Variants in IRAK2 observed in about 807,000 individuals in gnomAD.
IRAK2 encodes the protein interleukin-1 receptor-associated kinase-like 2.
A neutral mutation model predicts 72.0 loss-of-function variants in IRAK2; 57 were observed. The observed-to-expected ratio is 0.79, with a 90% CI of 0.64 to 0.99. The LOEUF (loss-of-function observed/expected upper bound fraction) is 0.99. Ranked by LOEUF, IRAK2 falls within the 50% of genes least tolerant of loss-of-function variation. The probability of loss-of-function intolerance (pLI) is 0.00; values close to 1 mark genes in which losing one functional copy is unlikely to be tolerated. For synonymous variants in IRAK2, 293 were observed against 312.7 expected (o/e 0.94, Z 0.67); for missense variants, 790 against 794.4 (o/e 0.99, Z 0.07).
chr3:10,222,654 C>T lies in IRAK2; in HGVS notation c.1032C>T (p.Asp344=), dbSNP rs755296363. The change falls in exon 9 of 13, where the codon GAC becomes GAT. Residue 344 remains aspartate, a synonymous_variant. Transcript: ENST00000256458. ...TCCACAGCTCTAATGTCTTGCTGGA[C>T]CAAAATCTCACCCCCAAACTTGCTC... is the stretch of plus-strand genomic sequence containing the variant. ...SNVKSSNVLL[D]QNLTPKLAHP... 3 of 1,614,068 alleles carry T rather than the reference C, an allele frequency of 1.9e-6. No individual in the cohort carries two copies. The East Asian group carries it at 6.7e-5, about 36-fold the overall frequency.
Position 10,238,912 on chromosome 3 carries a change from A to G in IRAK2, c.1638A>G (p.Ala546=), listed in dbSNP as rs769547641. 3.1e-6 allele frequency: 5 copies of G among 1,613,890 alleles called. No homozygotes were observed. The highest frequency in any genetic ancestry group is 1.3e-5 in the African/African-American group (1 of 74,850). The stretch of plus-strand genomic sequence containing the variant: ...ATGCCTCCTCCTCCATGAGTGTGGC[A>G]CCCTGGGCAGGGGCTGCCACCCCAC... ...SLDASSSMSV[A]PWAGAATPLL... The change falls in exon 12 of 13, where the codon GCA becomes GCG. Residue 546 remains alanine, a synonymous_variant. Coordinates refer to ENST00000256458, the MANE Select transcript of IRAK2 (RefSeq NM_001570.4).
chr3:10,178,103 T>G, intron 2 of IRAK2, 83 bp downstream of exon 2: 1 of 1,119,444 alleles, frequency 8.9e-7, no homozygotes, highest in South Asian at 1.5e-5. Context: ...CTCTCTGGCC[T>G]TAATACTTTT....
rs138785740 is a variant in IRAK2, at chr3:10,207,026, G to A, written c.425-2563G>A. On this transcript the variant is annotated intron_variant, in intron 3 of 12. Coordinates refer to ENST00000256458, the MANE Select transcript of IRAK2 (RefSeq NM_001570.4). Reference sequence around the variant, plus strand: ...TCGCCATCATGCCAGGCTAATTTTTGTATTTTTGTAGAGATGGGGTTTTAC... The same window carrying A: ...TCGCCATCATGCCAGGCTAATTTTTATATTTTTGTAGAGATGGGGTTTTAC... Among the ~76,000 whole-genome samples, 7 of 152,082 alleles carry A rather than the reference G, an allele frequency of 4.6e-5. No homozygotes were observed. In the East Asian group the frequency reaches 1.4e-3, roughly 29 times the overall value.
At chr3:10,234,397 C>T (rs1697915220) in intron 10 of IRAK2, 62 bp from the exon 11 acceptor site, 4 of 1,403,512 alleles carry the variant, frequency 2.8e-6, no homozygotes, top group African/African-American at 1.4e-5. Flanking sequence ...GAGTGGGGCG[C>T]GTGCGTTGGC....
intron 11 of IRAK2, among the ~76,000 whole-genome samples, chr3:10,235,518 C>T (rs186230094): frequency 6.6e-6 from 1 of 152,206 alleles, no homozygotes; most frequent in South Asian, 2.1e-4. Context: ...CCTTAGAAAT[C>T]ATCTAGCAGA....
chr3:10,230,281 A>AC (rs369885953), intron 10 of IRAK2, among the ~76,000 whole-genome samples: 1,523 of 144,524 alleles, frequency 0.011, 19 homozygotes, highest in African/African-American at 0.028. Flanking sequence ...TAATAGTAGT[A>AC]CCCCCCCCCA....
intron 10 of IRAK2, among the ~76,000 whole-genome samples, chr3:10,228,957 G>C (rs1697820051): frequency 6.6e-6 from 1 of 150,644 alleles, no homozygotes; most frequent in Non-Finnish European, 1.5e-5. Context: ...TTTCGAGACA[G>C]AGTCTCGCTC....
chr3:10,232,352 G>A (rs1024866661), intron 10 of IRAK2, among the ~76,000 whole-genome samples: 4 of 152,156 alleles, frequency 2.6e-5, no homozygotes, highest in Non-Finnish European at 5.9e-5. Flanking sequence ...CTTGTTTAGA[G>A]TCATGGTCAT....
chr3:10,240,555 CG>C (rs1698040480), intron 12 of IRAK2, among the ~76,000 whole-genome samples: 2 of 21,312 alleles, frequency 9.4e-5, no homozygotes, highest in African/African-American at 2.3e-4. Context: ...CCCCCCCCCC[CG>C]CCTTTTTTTT....
At chr3:10,202,689 CTTTTTTT>C (rs374939802) in intron 3 of IRAK2, among the ~76,000 whole-genome samples, 6 of 98,068 alleles carry the variant, frequency 6.1e-5, no homozygotes, top group Non-Finnish European at 1.1e-4. Context: ...ACTTTCTTTC[CTTTTTTT>C]TTTTTTTTTT....
Position 10,222,648 on chromosome 3 carries a change from G to A in IRAK2, c.1026G>A (p.Leu342=). The part of the protein sequence containing the change: ...IHSNVKSSNV[L]LDQNLTPKLA... ...TTCATTTCCACAGCTCTAATGTCTT[G>A]CTGGACCAAAATCTCACCCCCAAAC... is the stretch of plus-strand genomic sequence containing the variant. Residue 342 remains leucine (L), a synonymous_variant, in exon 9 of 13, where the codon TTG becomes TTA. Coordinates refer to ENST00000256458, the MANE Select transcript of IRAK2 (RefSeq NM_001570.4). 1 of 1,613,994 alleles carries A rather than the reference G, an allele frequency of 6.2e-7. No individual in the cohort carries two copies. Among genetic ancestry groups the A allele is most frequent in the South Asian group, 1.1e-5 (1 of 91,072 alleles).
intron 2 of IRAK2, among the ~76,000 whole-genome samples, chr3:10,197,928 A>G (rs986585711): frequency 6.4e-5 from 9 of 140,968 alleles, no homozygotes; most frequent in Admixed American, 3.6e-4. Flanking sequence ...GGCCGGGCGC[A>G]GTGGCTCACG....
intron 2 of IRAK2, among the ~76,000 whole-genome samples, chr3:10,182,300 T>TG (rs71055804): frequency 2.7e-5 from 4 of 149,144 alleles, no homozygotes; most frequent in African/African-American, 9.9e-5. Flanking sequence ...TTTTTTTTTT[T>TG]GGGACAGAGT....
At chr3:10,221,235 AC>A (rs1391946543) in intron 8 of IRAK2, among the ~76,000 whole-genome samples, 4 of 142,502 alleles carry the variant, frequency 2.8e-5, no homozygotes, top group Non-Finnish European at 6.0e-5. Context: ...TACTAAAAAT[AC>A]CAAAAAAAAA....
chr3:10,197,425 T>A (rs78511690), intron 2 of IRAK2, among the ~76,000 whole-genome samples: 2,779 of 151,062 alleles, frequency 0.018, 75 homozygotes, highest in African/African-American at 0.065. Context: ...ACTAAAAGAC[T>A]CTCATCCTAC....
intron 1 of IRAK2, among the ~76,000 whole-genome samples, chr3:10,173,512 A>C (rs1416683326): frequency 6.6e-6 from 1 of 152,124 alleles, no homozygotes; most frequent in East Asian, 1.9e-4. Flanking sequence ...GATCTCTATC[A>C]TGTCCCGACT....
At chr3:10,196,533 TC>T (rs1426368830) in intron 2 of IRAK2, among the ~76,000 whole-genome samples, 1 of 152,216 alleles carries the variant, frequency 6.6e-6, no homozygotes, top group East Asian at 1.9e-4. Context: ...GCTTCTAGAC[TC>T]CGAGTTTCAG....
At chr3:10,218,972 C>T (rs1236602029) in intron 7 of IRAK2, among the ~76,000 whole-genome samples, 2 of 152,126 alleles carry the variant, frequency 1.3e-5, no homozygotes, top group African/African-American at 2.4e-5. Flanking sequence ...GCGAGGTGGA[C>T]GGATCGCTTG....
chr3:10,204,428 A>C (rs978421065), intron 3 of IRAK2, among the ~76,000 whole-genome samples: 1 of 152,194 alleles, frequency 6.6e-6, no homozygotes, highest in Non-Finnish European at 1.5e-5. Flanking sequence ...TGTACCTGCA[A>C]TGACACAGCT....
Sources: allele counts gnomAD v4.1 joint callset (sites outside exome capture counted in the v4.1 genomes callset), GRCh38; gene constraint gnomAD v4.1.1; transcripts MANE v1.5; gene names NCBI Gene and HGNC (gene_info 2026-07-23, HGNC 2026-07-21).